FHL1: variants seen among roughly 807,000 people sequenced by gnomAD.
The protein encoded by FHL1 is four and a half LIM domains 1, also known as four and a half LIM domains protein 1.
Under a neutral mutation model 20.3 loss-of-function variants are expected in FHL1, and 1 was observed. The ratio of observed to expected loss-of-function variants is 0.05; its 90% CI spans 0.02 to 0.23. The LOEUF (loss-of-function observed/expected upper bound fraction) is 0.23, where lower values mean the gene tolerates loss of function less well. FHL1 is among the 10% of genes least tolerant of loss of function. The pLI, the probability that FHL1 is intolerant of heterozygous loss-of-function variation, is 1.00. For missense variants in FHL1, 177 were observed against 234.0 expected (o/e 0.76, Z 1.59); for synonymous variants, 82 against 88.9 (o/e 0.92, Z 0.44).
At chrX:136,147,205 G>A (rs1440645278), upstream of FHL1, among the ~76,000 whole-genome samples, 1 of 109,207 alleles carries the variant, frequency 9.2e-6, no homozygotes, top group Non-Finnish European at 1.9e-5. Context: ...CCGGTCCTCG[G>A]GAAAGAGCCT....
chrX:136,200,667 G>T (rs1336768329), intron 1 of FHL1, among the ~76,000 whole-genome samples: 10 of 112,039 alleles, frequency 8.9e-5, no homozygotes, highest in Non-Finnish European at 1.9e-4. Flanking sequence ...GCCCCCTAGT[G>T]TATGAGCAGA....
intron 2 of FHL1, among the ~76,000 whole-genome samples, chrX:136,174,754 G>GT (rs1359958575): frequency 9.0e-6 from 1 of 111,116 alleles, no homozygotes; most frequent in Non-Finnish European, 1.9e-5. Flanking sequence ...TTTAAAATTT[G>GT]TTTTAAATTA....
Position 136,210,387 on chromosome X carries a change from A to T in FHL1, c.*362A>T, listed in dbSNP as rs1213979991. 2 of 396,754 alleles carry T rather than the reference A, an allele frequency of 5.0e-6. No homozygotes were observed. Among genetic ancestry groups the T allele is most frequent in the African/African-American group, 4.9e-5 (2 of 40,972 alleles). The allele number at this position is 396,754 out of a possible 1,213,427, so 32.7% of individuals were successfully genotyped here. ...TAAAACCCCCACTGAGATGCCTCTC[A>T]TGCCTCAGCTGGGACCCACCGTGTA... On this transcript the variant is annotated 3_prime_UTR_variant, in exon 6 of 6. Transcript: ENST00000370683.
chrX:136,173,564 A>C (rs2072925580), intron 2 of FHL1, among the ~76,000 whole-genome samples: 1 of 112,256 alleles, frequency 8.9e-6, no homozygotes, highest in Non-Finnish European at 1.9e-5. Context: ...GCATTTAAAA[A>C]TTGAAAGGTT....
chrX:136,175,110 A>G (rs1389522908), intron 2 of FHL1, among the ~76,000 whole-genome samples: 2 of 112,281 alleles, frequency 1.8e-5, no homozygotes, highest in Non-Finnish European at 3.8e-5. Flanking sequence ...AAAGGTGCGC[A>G]CAGGCCTAGC....
At chrX:136,151,406 T>G (rs2072260041) in intron 1 of FHL1, among the ~76,000 whole-genome samples, 1 of 112,809 alleles carries the variant, frequency 8.9e-6, no homozygotes. Context: ...GCTCACTTTA[T>G]TCGTCTCAAA....
At chrX:136,147,314 C>T (rs1447236914), upstream of FHL1, 1 of 59,525 alleles carries the variant, frequency 1.7e-5, no homozygotes, top group Non-Finnish European at 3.1e-5. Context: ...GCCCCTCTCC[C>T]CACGCCCGTC....
intron 1 of FHL1, among the ~76,000 whole-genome samples, chrX:136,202,518 G>A (rs1309390712): frequency 2.7e-5 from 3 of 111,946 alleles, no homozygotes. Flanking sequence ...TGCACTTTGG[G>A]AGGCCAAGGC....
At chrX:136,154,895 C>T (rs2072369370) in intron 1 of FHL1, among the ~76,000 whole-genome samples, 1 of 111,470 alleles carries the variant, frequency 9.0e-6, no homozygotes. Flanking sequence ...TTAGTAGAGA[C>T]GGGGTTTCAC....
chrX:136,186,879 T>TAGATAG (rs1459729228), intron 2 of FHL1, among the ~76,000 whole-genome samples: 9 of 67,392 alleles, frequency 1.3e-4, no homozygotes, highest in African/African-American at 4.0e-4. Context: ...TATATATATA[T>TAGATAG]ATAGATAGAT....
intron 1 of FHL1, among the ~76,000 whole-genome samples, chrX:136,155,749 C>A (rs111916056): frequency 1.8e-5 from 2 of 110,263 alleles, no homozygotes; most frequent in Non-Finnish European, 3.8e-5. Context: ...CATTTTTGAA[C>A]TACTATAGAT....
chrX:136,194,045 C>T (rs1481247370), upstream of FHL1, among the ~76,000 whole-genome samples: 2 of 110,490 alleles, frequency 1.8e-5, no homozygotes, highest in Admixed American at 9.7e-5. Context: ...AACACTCCCT[C>T]CCCCTTGTCT....
chrX:136,185,173 A>G (rs1035660867), intron 2 of FHL1, among the ~76,000 whole-genome samples: 2 of 112,712 alleles, frequency 1.8e-5, no homozygotes, highest in South Asian at 3.6e-4. Context: ...TGAATTTGCT[A>G]AAAGTGTTTT....
Position 136,210,501 on chromosome X carries a change from T to TG in FHL1, c.*478dup, listed in dbSNP as rs1169313989. On this transcript the variant is annotated 3_prime_UTR_variant, in exon 6 of 6. Coordinates refer to ENST00000370683, the MANE Select transcript of FHL1 (RefSeq NM_001159699.2). The stretch of plus-strand genomic sequence containing the variant: ...AGGAAAAGAACCCTACTGACATGCA[T>TG]GGTTTAACTTCCTCATCAGAACTCT... 2.3e-5 allele frequency: 9 copies of TG among 389,921 alleles called. No homozygotes were observed. Among genetic ancestry groups the TG allele is most frequent in the Non-Finnish European group, 3.8e-5 (8 of 207,970 alleles). The allele number at this position is 389,921 out of a possible 1,213,427, so 32.1% of individuals were successfully genotyped here.
chrX:136,150,843 A>G (rs1013434605), intron 1 of FHL1, among the ~76,000 whole-genome samples: 3 of 112,244 alleles, frequency 2.7e-5, no homozygotes, highest in Non-Finnish European at 5.6e-5. Context: ...TGGACAGACA[A>G]AAAAGATTTC....
intron 2 of FHL1, among the ~76,000 whole-genome samples, chrX:136,178,027 C>A (rs904655733): frequency 2.7e-5 from 3 of 111,971 alleles, no homozygotes; most frequent in Non-Finnish European, 5.6e-5. Flanking sequence ...CTAAGTCATA[C>A]AAATTTTATT....
intron 1 of FHL1, among the ~76,000 whole-genome samples, chrX:136,155,708 CTG>C (rs1322530281): frequency 9.0e-6 from 1 of 110,915 alleles, no homozygotes; most frequent in East Asian, 2.8e-4. Context: ...GGATTTTCCT[CTG>C]TATTTAAACC....
At position 136,208,475 on chromosome X, in the gene FHL1, CACTT is replaced by C; in HGVS notation, c.573_576del (p.Tyr192ArgfsTer81). On this transcript the variant is annotated frameshift_variant, in exon 5 of 6. Coordinates refer to ENST00000370683, the MANE Select transcript of FHL1 (RefSeq NM_001159699.2). LOFTEE classifies it high-confidence loss of function. ...TCTAGGCCATCACATCTGGAGGAAT[CACTT>C]ACCAGGATCAGCCCTGGCATGCCGA... The C allele has an allele frequency of 8.3e-7, 1 of 1,211,880 alleles. No individual in the cohort carries two copies. The highest frequency in any genetic ancestry group is 1.1e-6 in the Non-Finnish European group (1 of 895,500).
chrX:136,198,584 T>C (rs1361698092), intron 1 of FHL1, among the ~76,000 whole-genome samples: 2 of 111,875 alleles, frequency 1.8e-5, no homozygotes, highest in Non-Finnish European at 3.8e-5. Flanking sequence ...AATCAGTCCA[T>C]GAGACAGAGA....
Sources: allele counts gnomAD v4.1 joint callset (sites outside exome capture counted in the v4.1 genomes callset), GRCh38; gene constraint gnomAD v4.1.1; transcripts MANE v1.5; gene names NCBI Gene and HGNC (gene_info 2026-07-23, HGNC 2026-07-21).